The following PRKDC variants were observed in gnomAD, a reference collection of about 807,000 sequenced individuals.
PRKDC encodes DNA-dependent protein kinase catalytic subunit.
A neutral mutation model predicts 486.9 loss-of-function variants in PRKDC; 82 were observed. The ratio of observed to expected loss-of-function variants is 0.17; its 90% CI spans 0.14 to 0.20. The LOEUF is 0.20. Among genes scored for constraint, PRKDC ranks in the 10% least tolerant of loss-of-function variants. PRKDC has a pLI of 1.00. For missense variants in PRKDC, 4,504 were observed against 5,038.2 expected (o/e 0.89, Z 3.21); for synonymous variants, 1,895 against 1,837.0 (o/e 1.03, Z -0.81).
intron 20 of PRKDC, 74 bp downstream of exon 20, chr8:47,927,697 G>A: frequency 1.3e-5 from 19 of 1,410,150 alleles, no homozygotes; most frequent in Non-Finnish European, 1.8e-5. Flanking sequence ...GCCAGGGCAA[G>A]AGGATGGTGT....
chr8:47,801,090 G>T, intron 70 of PRKDC, 104 bp from the exon 71 acceptor site: 3 of 1,172,034 alleles, frequency 2.6e-6, no homozygotes, highest in Admixed American at 4.5e-5. Context: ...TTTTGTTTTT[G>T]GGATAGGGTC....
At chr8:47,842,700 C>T (rs2088176559) in intron 54 of PRKDC, among the ~76,000 whole-genome samples, 1 of 152,232 alleles carries the variant, frequency 6.6e-6, no homozygotes. Flanking sequence ...CTCCAAACAA[C>T]TGTCCTAACC....
rs765481305 is a variant in PRKDC at position 47,869,827 on chromosome 8, C to T, written c.5364-5064G>A. Among the ~76,000 whole-genome samples, 5 of 152,216 alleles carry T rather than the reference C, an allele frequency of 3.3e-5. No homozygotes were observed. In the East Asian group the frequency reaches 9.7e-4, roughly 30 times the overall value. ...CTACCCTGAAGGGAGAAACTCAGGA[C>T]TGGCAGCATTCACCACAAGCTGACT... On this transcript the variant is annotated intron_variant, in intron 40 of 85. Coordinates refer to ENST00000314191, the MANE Select transcript of PRKDC (RefSeq NM_006904.7).
intron 78 of PRKDC, among the ~76,000 whole-genome samples, chr8:47,783,293 A>AG (rs1386489559): frequency 1.3e-5 from 2 of 148,320 alleles, no homozygotes; most frequent in Non-Finnish European, 3.0e-5. Context: ...AAAAAAAAGA[A>AG]AAAAAAAAAA....
Position 47,879,560 on chromosome 8 carries a change from G to C in PRKDC, c.5166C>G (p.Phe1722Leu), listed in dbSNP as rs759792953. The change falls in exon 39 of 86, where the codon TTC becomes TTG. Residue 1722 changes from phenylalanine (F) to leucine (L), a missense_variant. By Grantham distance (22) the Phe-to-Leu change is conservative. This residue lies in a region of PRKDC where 1,969 missense variants were observed against 2,068.9 expected (regional missense o/e 0.95). Transcript: ENST00000314191. ...GAGGAAATTCCCTGGACTGCATGGG[G>C]AAGTGAGCAACGATGAGCTGCTCCA... ...RVLEQLIVAH[F>L]PMQSREFPPG... The C allele has an allele frequency of 1.3e-6, 2 of 1,598,826 alleles. No individual in the cohort carries two copies. The highest frequency in any genetic ancestry group is 1.1e-5 in the South Asian group (1 of 88,032).
At chr8:47,872,637 T>C (rs970042536) in intron 40 of PRKDC, among the ~76,000 whole-genome samples, 2 of 152,130 alleles carry the variant, frequency 1.3e-5, no homozygotes, top group African/African-American at 4.8e-5. Flanking sequence ...CAGGAGTAGC[T>C]GTACTTACAT....
intron 80 of PRKDC, among the ~76,000 whole-genome samples, chr8:47,780,378 G>A (rs940902284): frequency 1.7e-4 from 26 of 152,178 alleles, no homozygotes; most frequent in Admixed American, 3.9e-4. Flanking sequence ...AACTTGAAAA[G>A]CTGTTTTCAG....
chr8:47,897,436 G>T, intron 29 of PRKDC, 142 bp from the exon 30 acceptor site: 1 of 822,784 alleles, frequency 1.2e-6, no homozygotes, highest in Non-Finnish European at 1.8e-6. Flanking sequence ...TATTTTTAAT[G>T]TATTATAATT....
intron 3 of PRKDC, among the ~76,000 whole-genome samples, chr8:47,956,234 C>T (rs2090697883): frequency 6.6e-6 from 1 of 151,968 alleles, no homozygotes. Flanking sequence ...CGGTGGTGCA[C>T]GCCTGTAATC....
chr8:47,819,781 G>C (rs1686675097), intron 66 of PRKDC, among the ~76,000 whole-genome samples: 1 of 152,248 alleles, frequency 6.6e-6, no homozygotes, highest in African/African-American at 2.4e-5. Flanking sequence ...TTGCCACCAA[G>C]TTTTAACAAT....
intron 7 of PRKDC, among the ~76,000 whole-genome samples, chr8:47,946,901 C>T (rs1482794322): frequency 6.6e-6 from 1 of 152,188 alleles, no homozygotes; most frequent in Non-Finnish European, 1.5e-5. Flanking sequence ...CACTAACTCA[C>T]ATCCCACACC....
intron 84 of PRKDC, 133 bp from the exon 85 acceptor site, chr8:47,777,116 TACAA>T: frequency 2.7e-6 from 3 of 1,129,894 alleles, no homozygotes; most frequent in Non-Finnish European, 3.7e-6. Context: ...TTTCTACAGC[TACAA>T]AGCTGTTCAT....
intron 40 of PRKDC, among the ~76,000 whole-genome samples, chr8:47,866,874 G>A (rs1294386218): frequency 6.6e-6 from 1 of 152,002 alleles, no homozygotes; most frequent in Non-Finnish European, 1.5e-5. Flanking sequence ...ATAAACACAA[G>A]GCTATTCACA....
chr8:47,949,577 C>A (rs2090594055), intron 7 of PRKDC, among the ~76,000 whole-genome samples: 1 of 152,156 alleles, frequency 6.6e-6, no homozygotes, highest in Non-Finnish European at 1.5e-5. Context: ...ACATCACCTG[C>A]CAACAGGGTC....
intron 61 of PRKDC, among the ~76,000 whole-genome samples, chr8:47,828,600 A>T (rs996778794): frequency 6.6e-6 from 1 of 152,212 alleles, no homozygotes; most frequent in Non-Finnish European, 1.5e-5. Flanking sequence ...GGCTTAATCA[A>T]TACATAATGA....
At chr8:47,910,947 T>C (rs1009639125) in intron 25 of PRKDC, among the ~76,000 whole-genome samples, 3 of 152,170 alleles carry the variant, frequency 2.0e-5, no homozygotes, top group African/African-American at 7.2e-5. Context: ...ATATGAGAAT[T>C]ATGTGTTTAT....
rs374832575 is a variant in PRKDC at position 47,862,045 on chromosome 8, T to A, written c.5985+17A>T. Reference sequence around the variant, plus strand: ...AGCACTTGATAAGTTTTTTTTAACATTGAAAATTTCACTCACCTCAACTTC... The same window carrying A: ...AGCACTTGATAAGTTTTTTTTAACAATGAAAATTTCACTCACCTCAACTTC... On this transcript the variant is annotated intron_variant, in intron 44 of 85. Transcript: ENST00000314191. 9 of 1,534,640 alleles carry A rather than the reference T, an allele frequency of 5.9e-6. No homozygotes were observed. Among genetic ancestry groups the A allele is most frequent in the Non-Finnish European group, 7.9e-6 (9 of 1,135,170 alleles).
chr8:47,942,713 G>C (rs1368497389), intron 10 of PRKDC, among the ~76,000 whole-genome samples: 3 of 152,220 alleles, frequency 2.0e-5, no homozygotes, highest in Non-Finnish European at 4.4e-5. Flanking sequence ...CCAGTGCTCA[G>C]AATGACAAGC....
At chr8:47,897,978 C>G (rs979001382) in intron 29 of PRKDC, among the ~76,000 whole-genome samples, 1 of 152,146 alleles carries the variant, frequency 6.6e-6, no homozygotes, top group Admixed American at 6.5e-5. Flanking sequence ...GAAGGCAACA[C>G]CACTAGGATG....
Sources: allele counts gnomAD v4.1 joint callset (sites outside exome capture counted in the v4.1 genomes callset), GRCh38; gene constraint gnomAD v4.1.1; regional missense constraint gnomAD v4.1.1; transcripts MANE v1.5; gene names NCBI Gene and HGNC (gene_info 2026-07-23, HGNC 2026-07-21).